Variants in MEGF10 observed in about 807,000 individuals in gnomAD.
The protein encoded by MEGF10 is multiple EGF like domains 10.
A neutral mutation model predicts 147.5 loss-of-function variants in MEGF10; 86 were observed. The ratio of observed to expected loss-of-function variants is 0.58; its 90% CI spans 0.49 to 0.70. MEGF10 has a LOEUF of 0.70. Ranked by LOEUF, MEGF10 falls within the 30% of genes least tolerant of loss-of-function variation. The probability of loss-of-function intolerance (pLI) is 0.00; values close to 1 mark genes in which losing one functional copy is unlikely to be tolerated. For synonymous variants in MEGF10, 478 were observed against 525.5 expected (o/e 0.91, Z 1.24); for missense variants, 1,329 against 1,487.3 (o/e 0.89, Z 1.75).
chr5:127,260,709 T>C, the MEGF10 span, among the ~76,000 whole-genome samples: 1 of 152,206 alleles, frequency 6.6e-6, no homozygotes, highest in Admixed American at 6.5e-5. Flanking sequence ...AATCAGAATT[T>C]AGTTAGGAAA....
At position 127,432,669 on chromosome 5, in the gene MEGF10, C is replaced by T. The variant is rs142229902; in HGVS notation, c.1694-694C>T. 1.2e-3 allele frequency among the ~76,000 whole-genome samples: 189 copies of T among 152,072 alleles called. 1 individual carries two copies. The highest frequency in any genetic ancestry group is 4.3e-3 in the African/African-American group (180 of 41,460). Reference sequence around the variant, plus strand: ...CAAACTTAGCTTTCCTTTCTGTTTCCTTTTGTCATTTTTTTTAATTCTAAA... The same window carrying T: ...CAAACTTAGCTTTCCTTTCTGTTTCTTTTTGTCATTTTTTTTAATTCTAAA... On this transcript the variant is annotated intron_variant, in intron 13 of 24. Coordinates refer to ENST00000503335, the MANE Select transcript of MEGF10 (RefSeq NM_001256545.2).
intron 19 of MEGF10, 51 bp from the exon 20 acceptor site, chr5:127,445,406 C>T (rs749126993): frequency 4.4e-5 from 62 of 1,420,500 alleles, no homozygotes; most frequent in East Asian, 1.4e-4. Flanking sequence ...AGAGATCAAA[C>T]GTTTATCCAG....
chr5:127,261,949 A>G, the MEGF10 span, among the ~76,000 whole-genome samples: 3 of 151,988 alleles, frequency 2.0e-5, no homozygotes, highest in South Asian at 6.2e-4. Flanking sequence ...CCAGTTTTTA[A>G]TTGGATCATT....
chr5:127,320,350 A>C (rs1760742470), intron 1 of MEGF10, among the ~76,000 whole-genome samples: 1 of 152,176 alleles, frequency 6.6e-6, no homozygotes, highest in Non-Finnish European at 1.5e-5. Flanking sequence ...ATAATTATGG[A>C]TGATGTGAAT....
At chr5:127,281,908 G>A in the MEGF10 span, among the ~76,000 whole-genome samples, 13 of 152,224 alleles carry the variant, frequency 8.5e-5, no homozygotes, top group African/African-American at 1.4e-4. Context: ...GCAGGGCAGG[G>A]ACAAGATTGC....
intron 4 of MEGF10, among the ~76,000 whole-genome samples, chr5:127,342,137 A>G (rs896788866): frequency 2.0e-5 from 3 of 152,178 alleles, no homozygotes; most frequent in African/African-American, 7.2e-5. Context: ...TTACATGTTT[A>G]TAATCAAACA....
chr5:127,230,737 T>C, the MEGF10 span, among the ~76,000 whole-genome samples: 1 of 152,160 alleles, frequency 6.6e-6, no homozygotes, highest in Non-Finnish European at 1.5e-5. Context: ...GTGGAATCTG[T>C]TTGCCAATAC....
chr5:127,291,959 T>C (rs113697087), intron 1 of MEGF10, among the ~76,000 whole-genome samples: 3,473 of 152,312 alleles, frequency 0.023, 118 homozygotes, highest in African/African-American at 0.077. Flanking sequence ...GTGATAACCA[T>C]GCTGTGCCAA....
intron 5 of MEGF10, among the ~76,000 whole-genome samples, chr5:127,386,430 G>A (rs985937786): frequency 1.3e-5 from 2 of 152,142 alleles, no homozygotes; most frequent in African/African-American, 4.8e-5. Flanking sequence ...AGAAAGTCAT[G>A]TTTTTGTTTA....
At chr5:127,421,310 G>A (rs889843525) in intron 12 of MEGF10, among the ~76,000 whole-genome samples, 3 of 152,148 alleles carry the variant, frequency 2.0e-5, no homozygotes. Context: ...ATCAAACATT[G>A]GTGGGGTCTA....
chr5:127,440,957 A>G (rs1765736012), intron 18 of MEGF10, 90 bp downstream of exon 18: 2 of 1,521,484 alleles, frequency 1.3e-6, no homozygotes, highest in Non-Finnish European at 1.8e-6. Context: ...GGCAGAATTC[A>G]CCACTCCGAG....
In MEGF10 at chr5:127,420,025, T is replaced by C; in HGVS notation, c.1427-19T>C. 6.2e-7 allele frequency: 1 copy of C among 1,612,926 alleles called. No homozygotes were observed. Among genetic ancestry groups the C allele is most frequent in the Non-Finnish European group, 8.5e-7 (1 of 1,179,470 alleles). ...GCTGCCTTTGTTCGCTCACGTGCTC[T>C]GGCGTTCTTGTCGCACAGGCTGGCA... On this transcript the variant is annotated intron_variant, in intron 11 of 24. Coordinates refer to ENST00000503335, the MANE Select transcript of MEGF10 (RefSeq NM_001256545.2).
At chr5:127,311,553 G>C (rs1403830640) in intron 1 of MEGF10, among the ~76,000 whole-genome samples, 2 of 152,196 alleles carry the variant, frequency 1.3e-5, no homozygotes, top group African/African-American at 4.8e-5. Context: ...TTTTATGCTT[G>C]TACGTCTGGT....
At chr5:127,382,494 A>G (rs1052063935) in intron 5 of MEGF10, among the ~76,000 whole-genome samples, 9 of 152,222 alleles carry the variant, frequency 5.9e-5, no homozygotes, top group African/African-American at 2.2e-4. Flanking sequence ...ATTTTTGTTC[A>G]TACATTAAAG....
intron 4 of MEGF10, among the ~76,000 whole-genome samples, chr5:127,351,658 C>G (rs1006211881): frequency 3.3e-5 from 5 of 152,162 alleles, no homozygotes; most frequent in Admixed American, 6.5e-5. Context: ...GGGACTCAAG[C>G]AGTTTTTACC....
intron 4 of MEGF10, among the ~76,000 whole-genome samples, chr5:127,362,421 G>C (rs201957266): frequency 6.7e-6 from 1 of 149,764 alleles, no homozygotes; most frequent in Non-Finnish European, 1.5e-5. Context: ...CCAGACTGGA[G>C]TTCAGTGGCG....
intron 16 of MEGF10, among the ~76,000 whole-genome samples, chr5:127,435,694 A>G (rs1331576336): frequency 6.6e-6 from 1 of 152,114 alleles, no homozygotes; most frequent in Admixed American, 6.5e-5. Flanking sequence ...TTTAAATCCA[A>G]ATAATGTCTT....
At chr5:127,449,010 G>A (rs1766053594) in intron 21 of MEGF10, 89 bp from the exon 22 acceptor site, 2 of 1,534,750 alleles carry the variant, frequency 1.3e-6, no homozygotes, top group Non-Finnish European at 1.8e-6. Context: ...TCCTCAATAT[G>A]TGCCCTGGAC....
chr5:127,390,857 T>G (rs888134588), intron 5 of MEGF10, among the ~76,000 whole-genome samples: 4 of 152,074 alleles, frequency 2.6e-5, no homozygotes, highest in African/African-American at 9.7e-5. Flanking sequence ...GGTCTGTGCT[T>G]CACCCCTTGC....
Sources: gnomAD v4.1 joint callset for allele counts (sites outside exome capture counted in the v4.1 genomes callset) on GRCh38, gnomAD v4.1.1 for gene constraint, MANE v1.5 for transcripts, NCBI Gene and HGNC (gene_info 2026-07-23, HGNC 2026-07-21) for gene names.